CPNE4: variants seen among roughly 807,000 people sequenced by gnomAD.
CPNE4 encodes copine 4.
Under a neutral mutation model 67.9 loss-of-function variants are expected in CPNE4, and 25 were observed. The ratio of observed to expected loss-of-function variants is 0.37; its 90% confidence interval spans 0.27 to 0.51. The LOEUF is 0.51. Ranked by LOEUF, CPNE4 falls within the 20% of genes least tolerant of loss-of-function variation. The pLI, the probability that CPNE4 is intolerant of heterozygous loss-of-function variation, is 0.93. For missense variants in CPNE4, 464 were observed against 690.8 expected (o/e 0.67, Z 3.68); for synonymous variants, 242 against 244.9 (o/e 0.99, Z 0.11).
intron 11 of CPNE4, among the ~76,000 whole-genome samples, chr3:131,562,677 A>G (rs769948927): frequency 6.6e-6 from 1 of 151,968 alleles, no homozygotes; most frequent in Non-Finnish European, 1.5e-5. Flanking sequence ...CGTTTGGAGA[A>G]GTTTCCAATG....
At chr3:131,891,786 G>T (rs1476819567) in intron 2 of CPNE4, among the ~76,000 whole-genome samples, 1 of 152,096 alleles carries the variant, frequency 6.6e-6, no homozygotes, top group Non-Finnish European at 1.5e-5. Flanking sequence ...GTATTTCATA[G>T]TGTATATGTA....
intron 3 of CPNE4, among the ~76,000 whole-genome samples, chr3:131,707,116 A>C (rs2081432081): frequency 6.6e-6 from 1 of 152,218 alleles, no homozygotes; most frequent in African/African-American, 2.4e-5. Flanking sequence ...CATTGACCAA[A>C]TATATTCACT....
At chr3:131,651,628 C>G (rs1040082711) in intron 7 of CPNE4, among the ~76,000 whole-genome samples, 2 of 152,164 alleles carry the variant, frequency 1.3e-5, no homozygotes, top group African/African-American at 2.4e-5. Flanking sequence ...CTCAAGAGGT[C>G]TGCAAATATT....
chr3:131,839,531 G>A (rs925211030), intron 2 of CPNE4, among the ~76,000 whole-genome samples: 3 of 151,348 alleles, frequency 2.0e-5, no homozygotes, highest in Non-Finnish European at 3.0e-5. Context: ...TTACATATTT[G>A]CATATGCATT....
intron 7 of CPNE4, among the ~76,000 whole-genome samples, chr3:131,628,395 A>T (rs1164862069): frequency 1.3e-5 from 2 of 152,164 alleles, no homozygotes; most frequent in Admixed American, 1.3e-4. Flanking sequence ...AAAAGCAGAA[A>T]CCGCTGATAA....
intron 1 of CPNE4, among the ~76,000 whole-genome samples, chr3:131,952,533 C>G (rs1185137760): frequency 1.0e-5 from 1 of 95,256 alleles, no homozygotes; most frequent in Non-Finnish European, 2.8e-5. Context: ...GGGCGTCAGC[C>G]TCCCGCCCGG....
chr3:131,691,648 C>A (rs552434656), intron 5 of CPNE4, among the ~76,000 whole-genome samples: 1 of 152,022 alleles, frequency 6.6e-6, no homozygotes, highest in East Asian at 1.9e-4. Context: ...CAGTGTCATG[C>A]AATATACTCA....
chr3:131,959,468 C>T (rs2072101533), intron 1 of CPNE4, among the ~76,000 whole-genome samples: 1 of 152,252 alleles, frequency 6.6e-6, no homozygotes, highest in Non-Finnish European at 1.5e-5. Flanking sequence ...GATTATCACT[C>T]ACCCAGGCCA....
chr3:131,879,624 C>T (rs957973496), intron 2 of CPNE4, among the ~76,000 whole-genome samples: 2 of 152,054 alleles, frequency 1.3e-5, no homozygotes, highest in Non-Finnish European at 2.9e-5. Context: ...CCATCGGCCC[C>T]CTATGATGAC....
At chr3:132,031,680 G>A (rs142090131) in intron 1 of CPNE4, among the ~76,000 whole-genome samples, 72 of 152,300 alleles carry the variant, frequency 4.7e-4, no homozygotes, top group Non-Finnish European at 8.4e-4. Flanking sequence ...GTTCTAGGGT[G>A]TTACATTTCA....
intron 2 of CPNE4, among the ~76,000 whole-genome samples, chr3:131,893,631 A>G (rs758916790): frequency 6.6e-6 from 1 of 152,052 alleles, no homozygotes; most frequent in Non-Finnish European, 1.5e-5. Flanking sequence ...TCTGATCACA[A>G]TGTTATAAAA....
At chr3:131,862,374 T>C (rs2086726496) in intron 2 of CPNE4, among the ~76,000 whole-genome samples, 1 of 152,182 alleles carries the variant, frequency 6.6e-6, no homozygotes, top group African/African-American at 2.4e-5. Flanking sequence ...CCTAAATCTG[T>C]CACATCCTCA....
At chr3:131,884,953 G>A (rs2087821347) in intron 2 of CPNE4, among the ~76,000 whole-genome samples, 1 of 152,150 alleles carries the variant, frequency 6.6e-6, no homozygotes, top group Non-Finnish European at 1.5e-5. Context: ...GTGTGAAAGT[G>A]AAATAATATA....
At chr3:131,844,005 G>A (rs1450414203) in intron 2 of CPNE4, among the ~76,000 whole-genome samples, 1 of 152,110 alleles carries the variant, frequency 6.6e-6, no homozygotes, top group African/African-American at 2.4e-5. Flanking sequence ...GGGAAGCATG[G>A]GGAAGGTGAG....
intron 2 of CPNE4, among the ~76,000 whole-genome samples, chr3:131,864,945 T>A (rs577471062): frequency 2.6e-5 from 4 of 151,528 alleles, no homozygotes; most frequent in African/African-American, 9.6e-5. Flanking sequence ...AAAGGCCTTT[T>A]CTGCATCTAT....
intron 2 of CPNE4, among the ~76,000 whole-genome samples, chr3:131,812,229 A>G (rs1337102790): frequency 6.6e-6 from 1 of 151,996 alleles, no homozygotes; most frequent in African/African-American, 2.4e-5. Context: ...AGAAAAAAAA[A>G]AAAAACAGGA....
chr3:131,931,168 C>T (rs1222026439), intron 1 of CPNE4, among the ~76,000 whole-genome samples: 2 of 152,082 alleles, frequency 1.3e-5, no homozygotes, highest in South Asian at 2.1e-4. Context: ...CTTGCTCTCC[C>T]GATTAGACTG....
At chr3:131,994,359 C>A (rs1381402748) in intron 1 of CPNE4, among the ~76,000 whole-genome samples, 1 of 135,722 alleles carries the variant, frequency 7.4e-6, no homozygotes, top group African/African-American at 2.5e-5. Flanking sequence ...CCCCAAACTT[C>A]AAGTATAATG....
At chr3:131,893,926 A>C (rs2088217700) in intron 2 of CPNE4, among the ~76,000 whole-genome samples, 1 of 152,022 alleles carries the variant, frequency 6.6e-6, no homozygotes, top group African/African-American at 2.4e-5. Context: ...AACAAACTAA[A>C]GGCAAAATTG....
Sources: allele counts gnomAD v4.1 joint callset (sites outside exome capture counted in the v4.1 genomes callset), GRCh38; gene constraint gnomAD v4.1.1; transcripts MANE v1.5; gene names NCBI Gene and HGNC (gene_info 2026-07-23, HGNC 2026-07-21).